The following TANC1 variants were observed in gnomAD, a reference collection of about 807,000 sequenced individuals.
TANC1 encodes tetratricopeptide repeat, ankyrin repeat and coiled-coil containing 1, also known as protein TANC1.
A neutral mutation model predicts 149.7 loss-of-function variants in TANC1; 77 were observed. The ratio of observed to expected loss-of-function variants is 0.51; its 90% CI spans 0.43 to 0.62. The LOEUF is 0.62. Among genes scored for constraint, TANC1 ranks in the 20% least tolerant of loss-of-function variants. TANC1 has a pLI of 0.00. For missense variants in TANC1, 1,985 were observed against 2,321.8 expected (o/e 0.85, Z 2.98); for synonymous variants, 854 against 925.0 (o/e 0.92, Z 1.39).
At chr2:159,083,347 G>A (rs2044482747) in intron 3 of TANC1, among the ~76,000 whole-genome samples, 1 of 151,742 alleles carries the variant, frequency 6.6e-6, no homozygotes, top group Non-Finnish European at 1.5e-5. Flanking sequence ...CACAGGGCCT[G>A]CCCCCACCAG....
intron 2 of TANC1, among the ~76,000 whole-genome samples, chr2:159,034,145 A>C (rs919827638): frequency 6.6e-6 from 1 of 152,166 alleles, no homozygotes; most frequent in Non-Finnish European, 1.5e-5. Flanking sequence ...CTACCTGCCA[A>C]AGCAGCCGGA....
chr2:159,093,482 C>T (rs111712675), intron 3 of TANC1, among the ~76,000 whole-genome samples: 2 of 152,298 alleles, frequency 1.3e-5, no homozygotes, highest in African/African-American at 2.4e-5. Context: ...GTGGCATCAT[C>T]GTGATGCTTT....
chr2:159,030,035 G>T (rs1030360825), intron 2 of TANC1, among the ~76,000 whole-genome samples: 1 of 152,094 alleles, frequency 6.6e-6, no homozygotes, highest in African/African-American at 2.4e-5. Flanking sequence ...AATTATTTTG[G>T]AGAGAAGTCA....
At chr2:159,209,998 C>G (rs772234425) in intron 19 of TANC1, among the ~76,000 whole-genome samples, 2 of 152,132 alleles carry the variant, frequency 1.3e-5, no homozygotes, top group Non-Finnish European at 2.9e-5. Context: ...CATGTGAATA[C>G]AAGCAAGTAA....
intron 3 of TANC1, among the ~76,000 whole-genome samples, chr2:159,072,591 T>G (rs1029947273): frequency 3.3e-5 from 5 of 152,200 alleles, no homozygotes; most frequent in African/African-American, 1.2e-4. Context: ...TTTTCTTTCT[T>G]GAGAAAACTG....
intron 22 of TANC1, among the ~76,000 whole-genome samples, chr2:159,221,286 C>T (rs1053591824): frequency 2.0e-5 from 3 of 152,132 alleles, no homozygotes; most frequent in African/African-American, 4.8e-5. Flanking sequence ...AAGGGTGAGG[C>T]ACGAGAATCA....
intron 22 of TANC1, among the ~76,000 whole-genome samples, chr2:159,221,081 TGG>T (rs2059679270): frequency 6.6e-6 from 1 of 152,130 alleles, no homozygotes; most frequent in Non-Finnish European, 1.5e-5. Context: ...CCGGGTGCGG[TGG>T]CTCATGCCTG....
chr2:159,062,992 A>AAAAAAAAAAAAAAAAAAAAG (rs1559188236), intron 2 of TANC1, among the ~76,000 whole-genome samples: 1 of 147,414 alleles, frequency 6.8e-6, no homozygotes, highest in Non-Finnish European at 1.5e-5. Context: ...AAAAAAAAAA[A>AAAAAAAAAAAAAAAAAAAAG]AAAGAAAGCA....
At chr2:159,121,963 GCT>G (rs1240218890) in intron 4 of TANC1, among the ~76,000 whole-genome samples, 3 of 151,958 alleles carry the variant, frequency 2.0e-5, no homozygotes, top group African/African-American at 7.3e-5. Context: ...TTTGAGAGAT[GCT>G]CTCGTTCTGT....
chr2:159,150,668 C>G, intron 7 of TANC1, 112 bp downstream of exon 7: 1 of 778,466 alleles, frequency 1.3e-6, no homozygotes, highest in Non-Finnish European at 2.1e-6. Flanking sequence ...AGTCTGCCAG[C>G]GCCTGCTCTG....
intron 3 of TANC1, among the ~76,000 whole-genome samples, chr2:159,078,224 G>A (rs1224292068): frequency 6.6e-6 from 1 of 152,154 alleles, no homozygotes; most frequent in African/African-American, 2.4e-5. Context: ...TTGGCATATA[G>A]TATATGTTAT....
In TANC1 at chr2:159,229,652, T is replaced by G. The variant is rs199717853; in HGVS notation, c.4226T>G (p.Leu1409Arg). Residue 1409 changes from leucine (L) to arginine (R), a missense_variant, in exon 27 of 27, where the codon CTT becomes CGT. Transcript: ENST00000263635. ...CCCACCAATCAGGAAGTCAAGAGGCTTCTGGCCCGCGTAGAAGAGGAGTGC... is the reference window on the plus strand; with the variant it reads ...CCCACCAATCAGGAAGTCAAGAGGCGTCTGGCCCGCGTAGAAGAGGAGTGC... ...LCPTNQEVKRLLARVEEECKQ... is the reference protein window; with the variant it reads ...LCPTNQEVKRRLARVEEECKQ... The G allele has an allele frequency of 2.9e-5, 46 of 1,613,788 alleles. No homozygotes were observed. Among genetic ancestry groups the G allele is most frequent in the Non-Finnish European group, 3.8e-5 (45 of 1,179,990 alleles).
chr2:159,012,438 A>ATT lies in TANC1; in HGVS notation c.-16+11261_-16+11262dup, dbSNP rs577781991. 4.0e-4 allele frequency among the ~76,000 whole-genome samples: 58 copies of ATT among 145,934 alleles called. No individual in the cohort carries two copies. In the Middle Eastern group the frequency reaches 0.011, roughly 27 times the overall value. ...GAACCTTAAAATACCTTGGCACTCT[A>ATT]TTTTTTTTTTTTTGAGATGGTGGAT... On this transcript the variant is annotated intron_variant, in intron 2 of 26. Transcript: ENST00000263635.
chr2:159,073,999 G>A (rs147044814), intron 3 of TANC1, among the ~76,000 whole-genome samples: 1,860 of 152,282 alleles, frequency 0.012, 116 homozygotes, highest in Admixed American at 0.11. Flanking sequence ...AGTTAATGAG[G>A]GTGGCCATCA....
chr2:159,117,347 C>T (rs1311417812), intron 4 of TANC1, among the ~76,000 whole-genome samples: 1 of 152,166 alleles, frequency 6.6e-6, no homozygotes, highest in Admixed American at 6.5e-5. Context: ...TAGTATGACA[C>T]ACTTGTCAGA....
chr2:159,195,393 T>C (rs770873830), intron 17 of TANC1, among the ~76,000 whole-genome samples: 10 of 152,180 alleles, frequency 6.6e-5, no homozygotes, highest in Non-Finnish European at 1.5e-4. Flanking sequence ...CTGTTGGGAT[T>C]ATAGGTATGA....
At chr2:159,229,128 T>TCC (rs567139168) in intron 26 of TANC1, among the ~76,000 whole-genome samples, 7 of 151,662 alleles carry the variant, frequency 4.6e-5, no homozygotes, top group Non-Finnish European at 8.8e-5. Context: ...TTCCCACCCC[T>TCC]CCCCCCACGT....
At chr2:159,149,632 C>T (rs7586743) in intron 6 of TANC1, 58,355 of 217,964 alleles carry the variant, frequency 0.27, 9,362 homozygotes, top group Non-Finnish European at 0.36. Flanking sequence ...TTTCCTGTGC[C>T]TTTTTAGCTG....
intron 2 of TANC1, chr2:159,004,413 T>G: frequency 2.2e-6 from 2 of 920,566 alleles, no homozygotes; most frequent in Non-Finnish European, 1.8e-6. Flanking sequence ...CATCACCTGT[T>G]ACTAGTTCAG....
Sources: allele counts gnomAD v4.1 joint callset (sites outside exome capture counted in the v4.1 genomes callset), GRCh38; gene constraint gnomAD v4.1.1; transcripts MANE v1.5; gene names NCBI Gene and HGNC (gene_info 2026-07-23, HGNC 2026-07-21).